The following SLC16A10 variants were observed in gnomAD, a reference collection of about 807,000 sequenced individuals.
SLC16A10 encodes solute carrier family 16 member 10.
A neutral mutation model predicts 40.0 loss-of-function variants in SLC16A10; 27 were observed. The ratio of observed to expected loss-of-function variants is 0.67; its 90% CI spans 0.50 to 0.93. The LOEUF (loss-of-function observed/expected upper bound fraction) is 0.93, where lower values mean the gene tolerates loss of function less well. Ranked by LOEUF, SLC16A10 falls within the 40% of genes least tolerant of loss-of-function variation. SLC16A10 has a pLI of 0.00. For synonymous variants in SLC16A10, 213 were observed against 249.8 expected (o/e 0.85, Z 1.39); for missense variants, 529 against 658.2 (o/e 0.80, Z 2.15).
chr6:111,122,535 T>C (rs1771601951), intron 1 of SLC16A10, among the ~76,000 whole-genome samples: 1 of 152,150 alleles, frequency 6.6e-6, no homozygotes, highest in African/African-American at 2.4e-5. Context: ...CAGGGCACAA[T>C]TGAGATCCTT....
chr6:111,182,044 G>A (rs1355057673), intron 3 of SLC16A10, among the ~76,000 whole-genome samples: 2 of 151,890 alleles, frequency 1.3e-5, no homozygotes, highest in Non-Finnish European at 2.9e-5. Flanking sequence ...TGTCTCCCAG[G>A]CTGGAGTGCA....
intron 1 of SLC16A10, among the ~76,000 whole-genome samples, chr6:111,138,658 CT>C (rs1414699983): frequency 6.7e-6 from 1 of 148,768 alleles, no homozygotes; most frequent in Non-Finnish European, 1.5e-5. Context: ...TTTTTTTTTT[CT>C]TTTTTTTAAG....
At chr6:111,204,066 T>C (rs1440393184) in intron 3 of SLC16A10, among the ~76,000 whole-genome samples, 1 of 152,006 alleles carries the variant, frequency 6.6e-6, no homozygotes, top group Admixed American at 6.6e-5. Flanking sequence ...TCAGGGAACA[T>C]AGGTTAGAGG....
chr6:111,178,376 T>G (rs1331267077), intron 3 of SLC16A10: 2 of 532,480 alleles, frequency 3.8e-6, no homozygotes, highest in African/African-American at 3.8e-5. Flanking sequence ...CTCAAGAAGT[T>G]TATATTGTTT....
chr6:111,098,386 C>T (rs1254278747), intron 1 of SLC16A10, among the ~76,000 whole-genome samples: 1 of 151,938 alleles, frequency 6.6e-6, no homozygotes, highest in Non-Finnish European at 1.5e-5. Context: ...AGTGAGACCC[C>T]ATCTCTACTT....
chr6:111,121,712 TAGCAG>T (rs1377952283), intron 1 of SLC16A10, among the ~76,000 whole-genome samples: 1 of 152,228 alleles, frequency 6.6e-6, no homozygotes, highest in African/African-American at 2.4e-5. Flanking sequence ...TTCCATGTTA[TAGCAG>T]AGAACCAGCC....
At chr6:111,163,446 C>T (rs1772413669) in intron 1 of SLC16A10, among the ~76,000 whole-genome samples, 2 of 152,142 alleles carry the variant, frequency 1.3e-5, no homozygotes, top group African/African-American at 4.8e-5. Context: ...GCCACCGCAC[C>T]CGGCAACATA....
intron 3 of SLC16A10, among the ~76,000 whole-genome samples, chr6:111,191,119 T>C (rs1043805726): frequency 6.6e-6 from 1 of 152,194 alleles, no homozygotes; most frequent in African/African-American, 2.4e-5. Context: ...GCTGTATCCA[T>C]CAACCTGTCA....
intron 1 of SLC16A10, among the ~76,000 whole-genome samples, chr6:111,119,140 TC>T (rs144920677): frequency 0.011 from 1,685 of 152,220 alleles, 7 homozygotes; most frequent in African/African-American, 0.023. Context: ...CAAAAATAGG[TC>T]TCCTCAGATC....
chr6:111,206,408 C>T (rs1773255852), intron 3 of SLC16A10, among the ~76,000 whole-genome samples, 184 bp from the exon 4 acceptor site: 1 of 152,058 alleles, frequency 6.6e-6, no homozygotes, highest in African/African-American at 2.4e-5. Flanking sequence ...AAAACTAAAA[C>T]ATGTTAATTT....
chr6:111,150,550 A>C (rs1391217232), intron 1 of SLC16A10, among the ~76,000 whole-genome samples: 1 of 152,188 alleles, frequency 6.6e-6, no homozygotes, highest in African/African-American at 2.4e-5. Flanking sequence ...AGCAGTTATT[A>C]ATATAAGTGA....
Position 111,222,841 on chromosome 6 carries a change from A to G in SLC16A10, c.*606A>G, listed in dbSNP as rs1239592225. 6.6e-6 allele frequency: 1 copy of G among 152,586 alleles called. No homozygotes were observed. Among genetic ancestry groups the G allele is most frequent in the Admixed American group, 6.5e-5 (1 of 15,278 alleles). The allele number at this position is 152,586 out of a possible 1,614,324, so 9.5% of individuals were successfully genotyped here. On this transcript the variant is annotated 3_prime_UTR_variant, in exon 6 of 6. Transcript: ENST00000368851. Reference sequence around the variant, plus strand: ...GGTGCTAACATAGTGTTCAGAATCAATATGTGAGATGAAAAGGATCCCCTC... The same window carrying G: ...GGTGCTAACATAGTGTTCAGAATCAGTATGTGAGATGAAAAGGATCCCCTC...
At chr6:111,135,806 A>G (rs566531648) in intron 1 of SLC16A10, among the ~76,000 whole-genome samples, 1 of 152,316 alleles carries the variant, frequency 6.6e-6, no homozygotes, top group South Asian at 2.1e-4. Context: ...ACCTTGTGCC[A>G]TCAAGCCACC....
chr6:111,211,440 T>A (rs1185103472), intron 4 of SLC16A10, among the ~76,000 whole-genome samples: 1 of 152,156 alleles, frequency 6.6e-6, no homozygotes, highest in Non-Finnish European at 1.5e-5. Context: ...GTATTGGGGG[T>A]CAAATATTTC....
intron 1 of SLC16A10, among the ~76,000 whole-genome samples, chr6:111,130,091 C>T (rs1771753866): frequency 6.6e-6 from 1 of 152,180 alleles, no homozygotes; most frequent in Admixed American, 6.5e-5. Flanking sequence ...TTATGAGACA[C>T]AGTCATCATG....
At chr6:111,194,235 T>C (rs919953956) in intron 3 of SLC16A10, among the ~76,000 whole-genome samples, 8 of 152,254 alleles carry the variant, frequency 5.3e-5, no homozygotes, top group Admixed American at 1.3e-4. Context: ...GTGCTTTTTT[T>C]CTTTGTTCTT....
At chr6:111,096,139 C>T (rs1482551860) in intron 1 of SLC16A10, among the ~76,000 whole-genome samples, 1 of 152,164 alleles carries the variant, frequency 6.6e-6, no homozygotes, top group Non-Finnish European at 1.5e-5. Context: ...AAAGTAGAAT[C>T]CTACTCCTGT....
intron 1 of SLC16A10, among the ~76,000 whole-genome samples, chr6:111,124,332 TATTA>T (rs975152276): frequency 2.6e-5 from 4 of 151,878 alleles, no homozygotes; most frequent in Non-Finnish European, 5.9e-5. Flanking sequence ...AAAGAACTTT[TATTA>T]ATTCTTCCCC....
At chr6:111,217,296 G>A (rs1562436586) in intron 4 of SLC16A10, among the ~76,000 whole-genome samples, 1 of 152,200 alleles carries the variant, frequency 6.6e-6, no homozygotes. Context: ...GATCACCAGT[G>A]AGATAATCAA....
Sources: gnomAD v4.1 joint callset for allele counts (sites outside exome capture counted in the v4.1 genomes callset) on GRCh38, gnomAD v4.1.1 for gene constraint, MANE v1.5 for transcripts, NCBI Gene and HGNC (gene_info 2026-07-23, HGNC 2026-07-21) for gene names.